Variants in JMJD1C observed in about 807,000 individuals in gnomAD.
The protein encoded by JMJD1C is jumonji domain containing 1C.
Under a neutral mutation model 245.3 loss-of-function variants are expected in JMJD1C, and 31 were observed. The observed-to-expected ratio is 0.13, with a 90% CI of 0.09 to 0.17. JMJD1C has a LOEUF of 0.17. Among genes scored for constraint, JMJD1C ranks in the 10% least tolerant of loss-of-function variants. JMJD1C has a pLI of 1.00. For missense variants in JMJD1C, 2,691 were observed against 3,000.2 expected, an observed-to-expected ratio of 0.90 and a Z score of 2.41; for synonymous variants, 1,057 against 1,017.4, an observed-to-expected ratio of 1.04 and a Z score of -0.74.
intron 2 of JMJD1C, among the ~76,000 whole-genome samples, chr10:63,267,981 G>A (rs1855817269): frequency 6.6e-6 from 1 of 151,974 alleles, no homozygotes; most frequent in Admixed American, 6.6e-5. Flanking sequence ...ATCAGCTACA[G>A]CTCTTAAACA....
Position 63,213,791 on chromosome 10 carries a change from G to T in JMJD1C, c.2376C>A (p.His792Gln). 1 of 1,614,072 alleles carries T rather than the reference G, an allele frequency of 6.2e-7. No individual in the cohort carries two copies. The highest frequency in any genetic ancestry group is 8.5e-7 in the Non-Finnish European group (1 of 1,179,974). Residue 792 changes from histidine (H) to glutamine (Q), a missense_variant, in exon 8 of 26, where the codon CAC becomes CAA. His to Gln is a conservative substitution (Grantham distance 24). Transcript: ENST00000399262. ...LTSGPHHAVHHPHLLPTVLPG... is the reference protein window; with the variant it reads ...LTSGPHHAVHQPHLLPTVLPG... ...GTAACACAGTGGGAAGTAAATGAGG[G>T]TGATGAACAGCATGGTGTGGACCAC... is the stretch of plus-strand genomic sequence containing the variant.
At chr10:63,495,290 A>G (rs953311495) in intron 1 of JMJD1C, among the ~76,000 whole-genome samples, 3 of 152,144 alleles carry the variant, frequency 2.0e-5, no homozygotes, top group African/African-American at 7.2e-5. Context: ...AAAGGAAGCT[A>G]GCAAAGACTG....
In JMJD1C at chr10:63,214,852, C is replaced by T. The variant is rs192658389; in HGVS notation, c.1315G>A (p.Glu439Lys). The T allele has an allele frequency of 6.2e-7, 1 of 1,613,942 alleles. No individual in the cohort carries two copies. Among genetic ancestry groups the T allele is most frequent in the East Asian group, 2.2e-5 (1 of 44,866 alleles). Residue 439 changes from glutamate (E) to lysine (K), a missense_variant, in exon 8 of 26, where the codon GAA becomes AAA. Around this residue, in one of 9 missense-constraint regions of JMJD1C, gnomAD observed 1,562 missense variants for 1,490.7 expected, o/e 1.05. Coordinates refer to ENST00000399262, the MANE Select transcript of JMJD1C (RefSeq NM_032776.3). ...TCTGCTTCTTCATGTTTTTTATCTT[C>T]CTGTATTTGATCCCAGGGAGGCTGG... ...NSQPPWDQIQ[E>K]DKKHEEAEKR...
chr10:63,294,678 C>A (rs1859168906), intron 2 of JMJD1C, among the ~76,000 whole-genome samples: 1 of 152,018 alleles, frequency 6.6e-6, no homozygotes, highest in African/African-American at 2.4e-5. Context: ...CTTTATATAC[C>A]CACTGCTATC....
chr10:63,329,933 G>A (rs111959970), intron 2 of JMJD1C, among the ~76,000 whole-genome samples: 62 of 152,294 alleles, frequency 4.1e-4, no homozygotes, highest in African/African-American at 1.3e-3. Context: ...ACGGAGTCTC[G>A]CTCTGTCGCC....
At chr10:63,449,671 C>T (rs942282013) in intron 1 of JMJD1C, among the ~76,000 whole-genome samples, 1 of 151,718 alleles carries the variant, frequency 6.6e-6, no homozygotes, top group South Asian at 2.1e-4. Flanking sequence ...AAACACAGGA[C>T]GTATATGAAG....
chr10:63,391,045 A>T (rs1431870822), intron 1 of JMJD1C, among the ~76,000 whole-genome samples: 9 of 152,214 alleles, frequency 5.9e-5, no homozygotes, highest in Non-Finnish European at 1.3e-4. Context: ...GGGAAAGAAG[A>T]AGTCAATGTG....
chr10:63,369,413 G>A (rs1352926730), intron 2 of JMJD1C, among the ~76,000 whole-genome samples: 2 of 152,100 alleles, frequency 1.3e-5, no homozygotes, highest in Non-Finnish European at 2.9e-5. Context: ...AAAGTGCTGG[G>A]ATTACAGGCG....
chr10:63,427,129 A>G (rs1466994768), intron 1 of JMJD1C, among the ~76,000 whole-genome samples: 2 of 152,148 alleles, frequency 1.3e-5, no homozygotes, highest in African/African-American at 2.4e-5. Context: ...ATATTAAGAC[A>G]GCGGACAACT....
intron 1 of JMJD1C, among the ~76,000 whole-genome samples, chr10:63,521,008 A>T (rs1282282080): frequency 5.3e-5 from 8 of 152,228 alleles, no homozygotes; most frequent in Non-Finnish European, 1.2e-4. Context: ...GGCCTGGTCG[A>T]GAGTTTTATT....
At chr10:63,319,045 G>A (rs1420885194) in intron 2 of JMJD1C, among the ~76,000 whole-genome samples, 1 of 151,646 alleles carries the variant, frequency 6.6e-6, no homozygotes, top group Non-Finnish European at 1.5e-5. Flanking sequence ...CGGATCACAA[G>A]GCCAGGAGAT....
chr10:63,479,992 A>G (rs1953780504), intron 1 of JMJD1C, among the ~76,000 whole-genome samples: 1 of 152,198 alleles, frequency 6.6e-6, no homozygotes. Flanking sequence ...TGCCAAATAT[A>G]TATTTTTTAA....
intron 1 of JMJD1C, among the ~76,000 whole-genome samples, chr10:63,449,745 T>C (rs1751758208): frequency 1.3e-5 from 2 of 152,136 alleles, no homozygotes; most frequent in South Asian, 4.1e-4. Flanking sequence ...GGATACTACA[T>C]GTTATTTGAA....
At chr10:63,247,155 A>C (rs991354490) in intron 3 of JMJD1C, among the ~76,000 whole-genome samples, 4 of 151,488 alleles carry the variant, frequency 2.6e-5, no homozygotes, top group Non-Finnish European at 5.9e-5. Context: ...AAATTTTAAA[A>C]AAATGAAAAG....
chr10:63,318,891 T>G (rs1376728333), intron 2 of JMJD1C, among the ~76,000 whole-genome samples: 1 of 152,172 alleles, frequency 6.6e-6, no homozygotes, highest in Non-Finnish European at 1.5e-5. Context: ...ATATTAAGGT[T>G]TGAAAAACCT....
At position 63,214,627 on chromosome 10, in the gene JMJD1C, T is replaced by C. The variant is rs1847764910; in HGVS notation, c.1540A>G (p.Asn514Asp). The C allele has an allele frequency of 6.2e-7, 1 of 1,614,170 alleles. No individual in the cohort carries two copies. Among genetic ancestry groups the C allele is most frequent in the Non-Finnish European group, 8.5e-7 (1 of 1,180,012 alleles). ...PTPKCVIDIT[N>D]DTNLEKVAQE... ...GCCACCTTTTCTAAATTAGTGTCAT[T>C]TGTAATATCAATAACACATTTTGGT... Residue 514 changes from asparagine to aspartate, a missense_variant, in exon 8 of 26, where the codon AAT becomes GAT. Asn to Asp is a conservative substitution (Grantham distance 23). Around this residue, in one of 9 missense-constraint regions of JMJD1C, gnomAD observed 1,562 missense variants for 1,490.7 expected, o/e 1.05. Transcript: ENST00000399262.
At chr10:63,333,863 T>C (rs1942419295) in intron 2 of JMJD1C, among the ~76,000 whole-genome samples, 1 of 152,196 alleles carries the variant, frequency 6.6e-6, no homozygotes. Context: ...CTTAGTTAAA[T>C]TTTGAATATT....
chr10:63,268,845 G>A, intron 2 of JMJD1C: 1 of 985,776 alleles, frequency 1.0e-6, no homozygotes, highest in Non-Finnish European at 1.2e-6. Flanking sequence ...GAGCTCACTT[G>A]CAGCGGCGTC....
rs886210842 is a variant in JMJD1C, at chr10:63,354,599, C to A, written c.333+25719G>T. On this transcript the variant is annotated intron_variant, in intron 2 of 25. Coordinates refer to ENST00000399262, the MANE Select transcript of JMJD1C (RefSeq NM_032776.3). ...TACTTTTTCTCTAGTTTTAAAAATA[C>A]CTTTTCTATTTTAATCATCTTTTAT... is the stretch of plus-strand genomic sequence containing the variant. Among the ~76,000 whole-genome samples, 12 of 151,790 alleles carry A rather than the reference C, an allele frequency of 7.9e-5. No homozygotes were observed. The South Asian group carries it at 8.3e-4, about 11-fold the overall frequency.
Sources: gnomAD v4.1 joint callset for allele counts (sites outside exome capture counted in the v4.1 genomes callset) on GRCh38, gnomAD v4.1.1 for gene constraint, gnomAD v4.1.1 regional missense constraint, MANE v1.5 for transcripts, NCBI Gene and HGNC (gene_info 2026-07-23, HGNC 2026-07-21) for gene names.